ARID1B: variants seen among roughly 807,000 people sequenced by gnomAD.
ARID1B encodes AT-rich interaction domain 1B.
In ARID1B, 30 loss-of-function variants were observed where a neutral mutation model predicts 212.3. That is an observed-to-expected ratio of 0.14 (90% CI 0.11 to 0.19). ARID1B has a LOEUF of 0.19. ARID1B is among the 10% of genes least tolerant of loss of function. The pLI is 1.00. For missense variants in ARID1B, 2,891 were observed against 3,204.0 expected, an observed-to-expected ratio of 0.90 and a Z score of 2.36; for synonymous variants, 1,402 against 1,301.7, an observed-to-expected ratio of 1.08 and a Z score of -1.66.
Position 157,181,085 on chromosome 6 carries a change from C to T in ARID1B, c.3621C>T (p.Gly1207=), listed in dbSNP as rs765371275. Residue 1207 remains glycine, a synonymous_variant, in exon 12 of 20, where the codon GGC becomes GGT. Transcript: ENST00000636930. ...DRYLTFMEER[G]SPVSSLPAVG... ...ACCTCACCTTCATGGAAGAGAGAGGCTCTCCTGTCTCAAGTCTGCCTGCCG... is the reference window on the plus strand; with the variant it reads ...ACCTCACCTTCATGGAAGAGAGAGGTTCTCCTGTCTCAAGTCTGCCTGCCG... 3.1e-6 allele frequency: 5 copies of T among 1,614,198 alleles called. No individual in the cohort carries two copies. The highest frequency in any genetic ancestry group is 4.2e-6 in the Non-Finnish European group (5 of 1,180,042).
At chr6:156,946,006 C>T (rs116961861) in intron 4 of ARID1B, among the ~76,000 whole-genome samples, 3,534 of 152,176 alleles carry the variant, frequency 0.023, 53 homozygotes, top group Non-Finnish European at 0.036. Context: ...AAGACCCTGT[C>T]TCAACAACGA....
At chr6:156,871,708 C>T in intron 2 of ARID1B, 1 of 1,579,066 alleles carries the variant, frequency 6.3e-7, no homozygotes, top group Non-Finnish European at 8.6e-7. Flanking sequence ...CAGCATATGA[C>T]AGTGGGGGCA....
At chr6:156,841,363 A>G (rs1783889723) in intron 2 of ARID1B, among the ~76,000 whole-genome samples, 1 of 152,152 alleles carries the variant, frequency 6.6e-6, no homozygotes, top group Non-Finnish European at 1.5e-5. Flanking sequence ...GAGGAATGAA[A>G]TTTAGGTTGA....
chr6:157,029,388 T>C (rs1423615991), intron 4 of ARID1B, among the ~76,000 whole-genome samples: 1 of 152,260 alleles, frequency 6.6e-6, no homozygotes, highest in Non-Finnish European at 1.5e-5. Context: ...TGTTTTGTTA[T>C]AGTCTTTAGC....
chr6:156,933,690 C>G (rs527278831), intron 3 of ARID1B, among the ~76,000 whole-genome samples: 1 of 152,270 alleles, frequency 6.6e-6, no homozygotes, highest in East Asian at 1.9e-4. Context: ...GCATTGAATT[C>G]TCTTAGAAAA....
chr6:157,036,016 G>A (rs1278037770), intron 4 of ARID1B, among the ~76,000 whole-genome samples: 1 of 152,144 alleles, frequency 6.6e-6, no homozygotes, highest in Non-Finnish European at 1.5e-5. Flanking sequence ...AAAACTGACA[G>A]TGAAGCCTGT....
chr6:157,172,758 C>T (rs1791806006), intron 9 of ARID1B: 1 of 151,904 alleles, frequency 6.6e-6, no homozygotes, highest in Non-Finnish European at 1.5e-5. Context: ...TGAATATGTG[C>T]AATAATCATT....
chr6:156,805,544 T>C (rs751859215), intron 1 of ARID1B, among the ~76,000 whole-genome samples: 3 of 152,192 alleles, frequency 2.0e-5, no homozygotes, highest in Non-Finnish European at 4.4e-5. Flanking sequence ...GGTTTGCCTA[T>C]AGGAGTATGC....
intron 1 of ARID1B, among the ~76,000 whole-genome samples, chr6:156,827,690 T>C (rs1056397971): frequency 6.6e-6 from 1 of 151,548 alleles, no homozygotes; most frequent in African/African-American, 2.4e-5. Context: ...TCTTCTGCCC[T>C]GTGGTACTGT....
intron 8 of ARID1B, chr6:157,150,155 TAAA>T (rs1790092708): frequency 1.3e-5 from 2 of 152,228 alleles, no homozygotes; most frequent in Admixed American, 6.5e-5. Flanking sequence ...TTGCAACTCA[TAAA>T]GCGCAAGTTA....
At chr6:157,134,566 A>G (rs757947328) in intron 7 of ARID1B, among the ~76,000 whole-genome samples, 41 of 152,320 alleles carry the variant, frequency 2.7e-4, no homozygotes, top group Non-Finnish European at 4.0e-4. Context: ...TAGTAATTCC[A>G]GTAAGCGTTA....
intron 4 of ARID1B, among the ~76,000 whole-genome samples, chr6:157,004,387 TG>T (rs1477306482): frequency 2.8e-4 from 43 of 152,184 alleles, no homozygotes; most frequent in Non-Finnish European, 8.8e-5. Context: ...AGCCCTGAAA[TG>T]TTAAATGAAG....
chr6:157,058,018 TGTGACTACAAGATGAACTGTA>T (rs1446558700), intron 4 of ARID1B, among the ~76,000 whole-genome samples: 1 of 152,162 alleles, frequency 6.6e-6, no homozygotes, highest in East Asian at 1.9e-4. Context: ...TGGGAACTCA[TGTGACTACAAGATGAACTGTA>T]GTACTTAAGG....
At chr6:156,837,561 T>G (rs765647203) in intron 2 of ARID1B, among the ~76,000 whole-genome samples, 6 of 152,244 alleles carry the variant, frequency 3.9e-5, no homozygotes, top group Non-Finnish European at 7.3e-5. Context: ...AGCCAATAGT[T>G]AAATTCTTAA....
intron 5 of ARID1B, among the ~76,000 whole-genome samples, chr6:157,098,339 A>G (rs1367833701): frequency 6.6e-6 from 1 of 152,190 alleles, no homozygotes; most frequent in African/African-American, 2.4e-5. Context: ...GCAGAGTGCT[A>G]TGAATCCGGA....
chr6:156,908,746 G>C lies in ARID1B; in HGVS notation c.2136+7221G>C, dbSNP rs187296497. Among the ~76,000 whole-genome samples, 353 of 152,000 alleles carry C rather than the reference G, an allele frequency of 2.3e-3. 2 individuals are homozygous for C. The highest frequency in any genetic ancestry group is 8.1e-3 in the African/African-American group (337 of 41,478). On this transcript the variant is annotated intron_variant, in intron 3 of 19. Transcript: ENST00000636930. ...AAGAAATTTCTTGTTTTTCTAAATT[G>C]CTTATTTTTTTTTGAAGACATTTTT...
chr6:156,836,209 T>C lies in ARID1B; in HGVS notation c.1986+6788T>C, dbSNP rs117435510. On this transcript the variant is annotated intron_variant, in intron 2 of 19. Coordinates refer to ENST00000636930, the MANE Select transcript of ARID1B (RefSeq NM_001374828.1). ...GTTAAAGTGATTAAGTGACGTATCT[T>C]AGACAAGTGGTTCTCAAACTTTGCT... 8.5e-4 allele frequency among the ~76,000 whole-genome samples: 129 copies of C among 152,318 alleles called. 1 individual carries two copies. In the East Asian group the frequency reaches 0.016, roughly 19 times the overall value.
intron 4 of ARID1B, among the ~76,000 whole-genome samples, chr6:156,990,116 C>CT (rs1392580974): frequency 1.3e-5 from 2 of 150,862 alleles, no homozygotes; most frequent in African/African-American, 4.9e-5. Context: ...CCTTAGAGAA[C>CT]TTGAGATCCA....
Position 156,778,772 on chromosome 6 carries a change from C to T in ARID1B, c.1092C>T (p.Asp364=), listed in dbSNP as rs1471410272. Residue 364 remains aspartate (D), a synonymous_variant, in exon 1 of 20, where the codon GAC becomes GAT. Transcript: ENST00000636930. Reference sequence around the variant, plus strand: ...CCGCCGGGGCCCCCGGCAGCATGGACCCCCTGCAGAACTCCCACGAAGGGT... The same window carrying T: ...CCGCCGGGGCCCCCGGCAGCATGGATCCCCTGCAGAACTCCCACGAAGGGT... ...AAAAGAPGSM[D]PLQNSHEGYP... 21 of 1,516,302 alleles carry T rather than the reference C, an allele frequency of 1.4e-5. No homozygotes were observed. Among genetic ancestry groups the T allele is most frequent in the African/African-American group, 1.2e-4 (8 of 69,158 alleles). The allele number at this position is 1,516,302 out of a possible 1,614,324, so 93.9% of individuals were successfully genotyped here.
Sources: allele counts gnomAD v4.1 joint callset (sites outside exome capture counted in the v4.1 genomes callset), GRCh38; gene constraint gnomAD v4.1.1; transcripts MANE v1.5; gene names NCBI Gene and HGNC (gene_info 2026-07-23, HGNC 2026-07-21).